The following DPP6 variants were observed in gnomAD, a reference collection of about 807,000 sequenced individuals.
DPP6 encodes the protein A-type potassium channel modulatory protein DPP6.
In DPP6, 69 loss-of-function variants were observed where a neutral mutation model predicts 122.6. The ratio of observed to expected loss-of-function variants is 0.56; its 90% CI spans 0.46 to 0.69. The LOEUF is 0.69. Ranked by LOEUF, DPP6 falls within the 30% of genes least tolerant of loss-of-function variation. DPP6 has a pLI of 0.00. For missense variants in DPP6, 928 were observed against 1,116.9 expected, an observed-to-expected ratio of 0.83 and a Z score of 2.41; for synonymous variants, 418 against 433.1, an observed-to-expected ratio of 0.97 and a Z score of 0.43.
intron 17 of DPP6, among the ~76,000 whole-genome samples, chr7:154,866,508 C>T (rs1803889447): frequency 6.6e-6 from 1 of 152,210 alleles, no homozygotes; most frequent in Non-Finnish European, 1.5e-5. Context: ...GTCTCTGGGT[C>T]TCAGAGTTAA....
At chr7:153,915,809 T>C (rs1445717193) in intron 1 of DPP6, among the ~76,000 whole-genome samples, 1 of 152,190 alleles carries the variant, frequency 6.6e-6, no homozygotes. Flanking sequence ...AATCAGCATT[T>C]CAAGCTACAG....
At chr7:154,881,147 T>C (rs1379311320) in intron 21 of DPP6, 1 of 890,856 alleles carries the variant, frequency 1.1e-6, no homozygotes, top group African/African-American at 1.7e-5. Flanking sequence ...TCTTTTTACA[T>C]TATCTGGAAG....
At chr7:154,019,063 C>T (rs1265833682) in intron 1 of DPP6, among the ~76,000 whole-genome samples, 1 of 152,200 alleles carries the variant, frequency 6.6e-6, no homozygotes, top group Non-Finnish European at 1.5e-5. Context: ...AAACCTCCAT[C>T]ATGTTTGCTA....
At chr7:154,444,610 G>A (rs993304302) in intron 1 of DPP6, among the ~76,000 whole-genome samples, 6 of 152,168 alleles carry the variant, frequency 3.9e-5, no homozygotes, top group Non-Finnish European at 7.4e-5. Flanking sequence ...TCTTAACAGC[G>A]TTTGAGGAAT....
chr7:154,494,377 AT>A (rs990510098), intron 3 of DPP6, among the ~76,000 whole-genome samples: 38 of 148,240 alleles, frequency 2.6e-4, no homozygotes, highest in African/African-American at 8.6e-4. Flanking sequence ...TATTATACAT[AT>A]TTTTTATTAT....
At chr7:153,915,731 T>G (rs1800276737) in intron 1 of DPP6, among the ~76,000 whole-genome samples, 2 of 152,170 alleles carry the variant, frequency 1.3e-5, no homozygotes, top group Admixed American at 6.5e-5. Context: ...TGTGACTTGC[T>G]TATCCCATGC....
intron 1 of DPP6, among the ~76,000 whole-genome samples, chr7:154,302,484 A>G (rs904702738): frequency 1.1e-4 from 16 of 152,240 alleles, no homozygotes; most frequent in African/African-American, 3.9e-4. Context: ...GTTCTCCACC[A>G]GTAATTCCTA....
At chr7:154,540,106 G>A (rs142956376) in intron 3 of DPP6, among the ~76,000 whole-genome samples, 48 of 152,328 alleles carry the variant, frequency 3.2e-4, no homozygotes, top group African/African-American at 8.4e-4. Flanking sequence ...AGGGGAGCTC[G>A]TGGAGCAGAT....
intron 5 of DPP6, among the ~76,000 whole-genome samples, chr7:154,595,463 C>T (rs1216549352): frequency 6.6e-6 from 1 of 152,194 alleles, no homozygotes; most frequent in Non-Finnish European, 1.5e-5. Context: ...TGAAAGACCG[C>T]CCATCCTAGG....
intron 5 of DPP6, among the ~76,000 whole-genome samples, chr7:154,636,496 G>A (rs184640862): frequency 1.3e-3 from 202 of 152,320 alleles, no homozygotes; most frequent in African/African-American, 4.7e-3. Context: ...AGCTCTCCTA[G>A]ACAGTCCTGT....
intron 1 of DPP6, among the ~76,000 whole-genome samples, chr7:154,400,928 C>T (rs1003349867): frequency 5.3e-5 from 8 of 152,062 alleles, no homozygotes; most frequent in South Asian, 2.1e-4. Context: ...ACTGGCTGGG[C>T]GCAGTGGCTC....
At chr7:154,248,983 TC>T (rs1280347042) in intron 1 of DPP6, among the ~76,000 whole-genome samples, 1 of 152,230 alleles carries the variant, frequency 6.6e-6, no homozygotes, top group African/African-American at 2.4e-5. Flanking sequence ...GTGCCTCCTT[TC>T]TTAAGCCTAT....
At chr7:153,939,412 C>G (rs1801599393) in intron 1 of DPP6, among the ~76,000 whole-genome samples, 2 of 152,200 alleles carry the variant, frequency 1.3e-5, no homozygotes, top group African/African-American at 4.8e-5. Flanking sequence ...GGCCTCGGGG[C>G]TCAGAGAGTG....
chr7:154,077,680 T>A (rs945218143), intron 1 of DPP6, among the ~76,000 whole-genome samples: 14 of 150,740 alleles, frequency 9.3e-5, no homozygotes, highest in African/African-American at 2.4e-4. Context: ...ATTATTATTT[T>A]TTTTTTTTTG....
At chr7:154,344,251 T>C (rs574584820) in intron 1 of DPP6, among the ~76,000 whole-genome samples, 18 of 152,300 alleles carry the variant, frequency 1.2e-4, no homozygotes, top group Non-Finnish European at 2.4e-4. Flanking sequence ...TCTTACCTAC[T>C]TTCTCTCAAT....
upstream of DPP6, among the ~76,000 whole-genome samples, chr7:153,884,987 A>AATACATACATATATAT (rs1209555021): frequency 1.5e-4 from 18 of 116,464 alleles, no homozygotes; most frequent in South Asian, 1.8e-3. Flanking sequence ...TCAAAACAAA[A>AATACATACATATATAT]ATATATATAT....
chr7:154,746,247 T>C (rs530408536), intron 8 of DPP6, among the ~76,000 whole-genome samples: 1 of 152,088 alleles, frequency 6.6e-6, no homozygotes, highest in Non-Finnish European at 1.5e-5. Flanking sequence ...AAAAAGACTG[T>C]CTACTTAGAA....
chr7:153,968,401 G>A lies in DPP6; in HGVS notation c.51+80667G>A, dbSNP rs555203736. ...TATTCTTTGTCCACTTTTTAATGTGGTTATTTGCTTTTTGCTTGTTTATTT... is the reference window on the plus strand; with the variant it reads ...TATTCTTTGTCCACTTTTTAATGTGATTATTTGCTTTTTGCTTGTTTATTT... On this transcript the variant is annotated intron_variant, in intron 1 of 25. Transcript: ENST00000404039. 5.9e-5 allele frequency among the ~76,000 whole-genome samples: 9 copies of A among 152,132 alleles called. No individual in the cohort carries two copies. The South Asian group carries it at 1.7e-3, about 28-fold the overall frequency.
chr7:154,568,647 T>G (rs1338195328), intron 5 of DPP6, among the ~76,000 whole-genome samples: 1 of 152,112 alleles, frequency 6.6e-6, no homozygotes, highest in Non-Finnish European at 1.5e-5. Flanking sequence ...CCAGAAACCA[T>G]TTTGATAAAG....
Sources: allele counts gnomAD v4.1 joint callset (sites outside exome capture counted in the v4.1 genomes callset), GRCh38; gene constraint gnomAD v4.1.1; transcripts MANE v1.5; gene names NCBI Gene and HGNC (gene_info 2026-07-23, HGNC 2026-07-21).